Variants in RAD17 observed in about 807,000 individuals in gnomAD.
The protein encoded by RAD17 is RAD17 checkpoint clamp loader component.
Under a neutral mutation model 81.5 loss-of-function variants are expected in RAD17, and 31 were observed. The observed-to-expected ratio is 0.38, with a 90% CI of 0.29 to 0.51. The LOEUF is 0.51. RAD17 is among the 20% of genes least tolerant of loss of function. The pLI is 0.88. For synonymous variants in RAD17, 261 were observed against 266.2 expected (o/e 0.98, Z 0.19); for missense variants, 681 against 781.2 (o/e 0.87, Z 1.53).
chr5:69,413,160 G>C (rs559909299), intron 18 of RAD17, among the ~76,000 whole-genome samples: 1 of 151,852 alleles, frequency 6.6e-6, no homozygotes. Context: ...TTTACTGAAG[G>C]CTGGGTGTGG....
chr5:69,373,712 T>TTATTTTAA (rs1763160204), intron 4 of RAD17, 118 bp from the exon 5 acceptor site: 2 of 372,400 alleles, frequency 5.4e-6, no homozygotes, highest in Non-Finnish European at 7.9e-6. Flanking sequence ...TTTTTTTTTT[T>TTATTTTAA]TTTTAAGTTT....
chr5:69,396,295 C>G, intron 15 of RAD17, 102 bp from the exon 16 acceptor site: 2 of 1,255,464 alleles, frequency 1.6e-6, no homozygotes, highest in Non-Finnish European at 2.2e-6. Flanking sequence ...AGAAAGTGAA[C>G]ACATAGAAAC....
In RAD17 at chr5:69,393,219, T is replaced by C. The variant is rs781648702; in HGVS notation, c.1254T>C (p.Asp418=). 6.2e-7 allele frequency: 1 copy of C among 1,610,884 alleles called. No homozygotes were observed. The highest frequency in any genetic ancestry group is 1.1e-5 in the South Asian group (1 of 90,770). The change falls in exon 14 of 19, where the codon GAT becomes GAC. Residue 418 remains aspartate, a synonymous_variant. Coordinates refer to ENST00000354868, the MANE Select transcript of RAD17 (RefSeq NM_133338.3). ...CTCATTTATCAGAATATGAACGGGATACATTACTTGTTGAACCTGAGGTAA... is the reference window on the plus strand; with the variant it reads ...CTCATTTATCAGAATATGAACGGGACACATTACTTGTTGAACCTGAGGTAA... ...LPSHLSEYER[D]TLLVEPEEVV... is the part of the protein sequence containing the mutation.
rs545639038 is a variant in RAD17 at position 69,372,190 on chromosome 5, A to G, written c.-19A>G. Reference sequence around the variant, plus strand: ...GGCCAAGATTATAGTACCAGTCACAATCTTTTGATGAGGACGAAATGAATC... The same window carrying G: ...GGCCAAGATTATAGTACCAGTCACAGTCTTTTGATGAGGACGAAATGAATC... On this transcript the variant is annotated 5_prime_UTR_variant, in exon 4 of 19. Transcript: ENST00000354868. The G allele has an allele frequency of 6.2e-7, 1 of 1,608,556 alleles. No individual in the cohort carries two copies. Among genetic ancestry groups the G allele is most frequent in the East Asian group, 2.2e-5 (1 of 44,714 alleles).
intron 17 of RAD17, among the ~76,000 whole-genome samples, chr5:69,405,883 A>G (rs564683333): frequency 6.6e-6 from 1 of 152,122 alleles, no homozygotes; most frequent in South Asian, 2.1e-4. Flanking sequence ...TCTACCAAAA[A>G]TATAAAAAAT....
At chr5:69,408,622 T>C (rs938215311) in intron 17 of RAD17, among the ~76,000 whole-genome samples, 1 of 151,688 alleles carries the variant, frequency 6.6e-6, no homozygotes, top group East Asian at 1.9e-4. Context: ...GCAATTCTTA[T>C]GCTTCAGCCT....
intron 18 of RAD17, among the ~76,000 whole-genome samples, chr5:69,413,682 G>T (rs299086): frequency 6.6e-6 from 1 of 151,742 alleles, no homozygotes; most frequent in Admixed American, 6.6e-5. Context: ...TTACAGATGC[G>T]TGCCACCACG....
intron 17 of RAD17, among the ~76,000 whole-genome samples, chr5:69,403,688 G>A (rs1765415163): frequency 6.6e-6 from 1 of 152,196 alleles, no homozygotes; most frequent in Non-Finnish European, 1.5e-5. Context: ...GGGCGGCCAA[G>A]GTGGGAAGAT....
intron 17 of RAD17, among the ~76,000 whole-genome samples, chr5:69,404,474 A>T (rs1463223534): frequency 6.6e-6 from 1 of 152,106 alleles, no homozygotes; most frequent in East Asian, 1.9e-4. Flanking sequence ...TCTACAAAAA[A>T]TAGATAAAAT....
intron 7 of RAD17, among the ~76,000 whole-genome samples, chr5:69,383,489 C>G (rs1269411775): frequency 2.6e-5 from 4 of 152,076 alleles, no homozygotes; most frequent in Non-Finnish European, 4.4e-5. Context: ...AGCAATTCTC[C>G]TGACTCAGCC....
chr5:69,393,197 A>G lies in RAD17; in HGVS notation c.1232A>G (p.His411Arg). ...TELDSPRLPS[H>R]LSEYERDTLL... is the part of the protein sequence containing the mutation. ...TTAGACTCACCTCGGTTGCCCTCTC[A>G]TTTATCAGAATATGAACGGGATACA... The change falls in exon 14 of 19, where the codon CAT becomes CGT. Residue 411 changes from histidine to arginine, a missense_variant. Physicochemically the swap from His to Arg is conservative, Grantham distance 29. Coordinates refer to ENST00000354868, the MANE Select transcript of RAD17 (RefSeq NM_133338.3). 1 of 1,612,194 alleles carries G rather than the reference A, an allele frequency of 6.2e-7. No individual in the cohort carries two copies. Among genetic ancestry groups the G allele is most frequent in the Non-Finnish European group, 8.5e-7 (1 of 1,178,838 alleles).
rs1320197031 is a variant in RAD17, at chr5:69,384,785, G to GT, written c.509-9dup. On this transcript the variant is annotated splice_polypyrimidine_tract_variant and intron_variant, in intron 7 of 18. Transcript: ENST00000354868. Reference sequence around the variant, plus strand: ...TTGTTGAAAATAAAAGTGGTTATGTGTTTCCTTTCAGAATCAAGCTTCCAT... The same window carrying GT: ...TTGTTGAAAATAAAAGTGGTTATGTGTTTTCCTTTCAGAATCAAGCTTCCAT... The GT allele has an allele frequency of 2.5e-6, 4 of 1,596,416 alleles. No homozygotes were observed. The African/African-American group carries it at 5.4e-5, about 22-fold the overall frequency.
intron 17 of RAD17, among the ~76,000 whole-genome samples, chr5:69,405,353 A>AC (rs201968791): frequency 1.2e-4 from 17 of 140,898 alleles, no homozygotes; most frequent in African/African-American, 2.4e-4. Context: ...ACACACACAC[A>AC]AAAAAAAAAA....
At chr5:69,395,324 AAC>A (rs1158008627) in intron 15 of RAD17, among the ~76,000 whole-genome samples, 1 of 152,150 alleles carries the variant, frequency 6.6e-6, no homozygotes, top group Non-Finnish European at 1.5e-5. Context: ...CAGCCTGGGA[AAC>A]ACAGCGAGAC....
intron 3 of RAD17, among the ~76,000 whole-genome samples, 167 bp downstream of exon 3, chr5:69,371,724 A>G (rs1396768624): frequency 6.6e-6 from 1 of 152,220 alleles, no homozygotes; most frequent in African/African-American, 2.4e-5. Context: ...AGTGTTCTCT[A>G]AAAGCACAAC....
intron 4 of RAD17, among the ~76,000 whole-genome samples, chr5:69,372,761 G>A (rs895305684): frequency 1.3e-5 from 2 of 151,982 alleles, no homozygotes; most frequent in East Asian, 1.9e-4. Context: ...ACAGGCGTGC[G>A]CCACCATGCC....
At chr5:69,372,280 C>G in intron 4 of RAD17, 63 bp downstream of exon 4, 4 of 1,343,650 alleles carry the variant, frequency 3.0e-6, no homozygotes, top group Non-Finnish European at 4.3e-6. Flanking sequence ...GATAATATTC[C>G]TAACTCTGTC....
At chr5:69,379,884 T>A (rs1308285600) in intron 6 of RAD17, among the ~76,000 whole-genome samples, 1 of 151,642 alleles carries the variant, frequency 6.6e-6, no homozygotes, top group Non-Finnish European at 1.5e-5. Context: ...ATAGTTAACT[T>A]CTTTTTTTTT....
intron 12 of RAD17, among the ~76,000 whole-genome samples, chr5:69,390,394 C>A (rs1471241159): frequency 6.6e-6 from 1 of 151,932 alleles, no homozygotes; most frequent in African/African-American, 2.4e-5. Context: ...TGCCTGAAGC[C>A]AAGGTGGGTG....
Sources: gnomAD v4.1 joint callset for allele counts (sites outside exome capture counted in the v4.1 genomes callset) on GRCh38, gnomAD v4.1.1 for gene constraint, MANE v1.5 for transcripts, NCBI Gene and HGNC (gene_info 2026-07-23, HGNC 2026-07-21) for gene names.